The following FBXO27 variants were observed in gnomAD, a reference collection of about 807,000 sequenced individuals.
FBXO27 encodes the protein F-box only protein 27.
Under a neutral mutation model 28.3 loss-of-function variants are expected in FBXO27, and 28 were observed. That is an observed-to-expected ratio of 0.99 (90% CI 0.73 to 1.36). The LOEUF is 1.36. FBXO27 is among the 40% of genes most tolerant of loss of function. FBXO27 has a pLI of 0.00. For missense variants in FBXO27, 388 were observed against 394.1 expected (o/e 0.98, Z 0.13); for synonymous variants, 175 against 167.3 (o/e 1.05, Z -0.36).
chr19:39,027,262 G>T (rs958244745), intron 4 of FBXO27, among the ~76,000 whole-genome samples: 1 of 152,184 alleles, frequency 6.6e-6, no homozygotes, highest in Non-Finnish European at 1.5e-5. Flanking sequence ...TCAGTGGGGA[G>T]TCTCCGGAAA....
chr19:39,031,073 T>C lies in FBXO27; in HGVS notation c.528A>G (p.Pro176=). The change falls in exon 4 of 6, where the codon CCA becomes CCG. Residue 176 remains proline (P), a synonymous_variant. Coordinates refer to ENST00000292853, the MANE Select transcript of FBXO27 (RefSeq NM_178820.5). The stretch of plus-strand genomic sequence containing the variant: ...CAATCCTGCCACTATCCAGCAGTTC[T>C]GGCCACAGACCCTCCTCCTCTAGGT... ...VLDLEEEGLW[P]ELLDSGRIEI... is the part of the protein sequence containing the mutation. 6.2e-7 allele frequency: 1 copy of C among 1,614,188 alleles called. No homozygotes were observed. Among genetic ancestry groups the C allele is most frequent in the Non-Finnish European group, 8.5e-7 (1 of 1,180,036 alleles).
At position 39,025,425 on chromosome 19, in the gene FBXO27, C is replaced by G. The variant is rs1488939822; in HGVS notation, c.838G>C (p.Val280Leu). ...RVTNSSVIVR[V>L]RLS ...GTAGTGCTGGACTAGGACAGACGGA[C>G]TCGCACGATCACACTGGAGTTGGTC... The change falls in exon 6 of 6, where the codon GTC becomes CTC. Residue 280 changes from valine to leucine, a missense_variant. Physicochemically the swap from Val to Leu is conservative, Grantham distance 32. Coordinates refer to ENST00000292853, the MANE Select transcript of FBXO27 (RefSeq NM_178820.5). The G allele has an allele frequency of 6.2e-7, 1 of 1,613,686 alleles. No individual in the cohort carries two copies. The highest frequency in any genetic ancestry group is 8.5e-7 in the Non-Finnish European group (1 of 1,179,830).
In FBXO27 at chr19:39,025,300, C is replaced by T. The variant is rs982214883; in HGVS notation, c.*111G>A. 1 of 1,406,154 alleles carries T rather than the reference C, an allele frequency of 7.1e-7. No individual in the cohort carries two copies. The highest frequency in any genetic ancestry group is 9.6e-7 in the Non-Finnish European group (1 of 1,041,620). The allele number at this position is 1,406,154 out of a possible 1,614,324, so 87.1% of individuals were successfully genotyped here. ...GCCTTTGATTGGACCCAGGAATTCT[C>T]AGTATGCCAGGGAGGTACAAGTGCT... On this transcript the variant is annotated 3_prime_UTR_variant, in exon 6 of 6. Transcript: ENST00000292853.
At chr19:39,005,986 T>C (rs1312781454) in intron 2 of FBXO27, among the ~76,000 whole-genome samples, 2 of 152,120 alleles carry the variant, frequency 1.3e-5, no homozygotes, top group Non-Finnish European at 2.9e-5. Context: ...CTGGGACAAA[T>C]TGAAATTGTG....
intron 1 of FBXO27, among the ~76,000 whole-genome samples, chr19:39,018,394 C>T (rs1317032179): frequency 6.6e-6 from 1 of 152,194 alleles, no homozygotes; most frequent in African/African-American, 2.4e-5. Context: ...CCATGTGATG[C>T]TAATCATCTC....
chr19:39,019,297 C>A (rs1209368830), downstream of FBXO27, among the ~76,000 whole-genome samples: 4 of 150,558 alleles, frequency 2.7e-5, no homozygotes, highest in Non-Finnish European at 4.4e-5. Context: ...TGGTGGCGGG[C>A]ACCTGTAGTC....
chr19:39,032,494 A>C lies in FBXO27; in HGVS notation c.-27+9T>G. 4.9e-6 allele frequency: 2 copies of C among 409,676 alleles called. No individual in the cohort carries two copies. The highest frequency in any genetic ancestry group is 4.2e-6 in the Non-Finnish European group (1 of 238,180). 25.4% of individuals were successfully genotyped at this position (409,676 alleles called of 1,614,324 possible). On this transcript the variant is annotated intron_variant, in intron 1 of 5. Transcript: ENST00000292853. The surrounding 1 kb of genome is among the most constrained non-coding windows in gnomAD (Gnocchi z 4.7). ...GGCGGCCGCACCGACACCGCACCCC[A>C]AGTCCTACCCCGGGGCCTGGCGGCG...
rs2072866558 is a variant in FBXO27, at chr19:39,025,338, GA to G, written c.*72del. 6.5e-7 allele frequency: 1 copy of G among 1,535,314 alleles called. No homozygotes were observed. The highest frequency in any genetic ancestry group is 1.4e-5 in the African/African-American group (1 of 73,046). ...AGGTACAAGTGCTTGGTTGGTTAAT[GA>G]GGGGTCCCAGCCAATGGTCCCAGGC... On this transcript the variant is annotated 3_prime_UTR_variant, in exon 6 of 6. Transcript: ENST00000292853.
intron 4 of FBXO27, 84 bp downstream of exon 4, chr19:39,030,945 A>G (rs2072898487): frequency 1.8e-6 from 2 of 1,106,948 alleles, no homozygotes; most frequent in African/African-American, 3.1e-5. Flanking sequence ...AGGGGTTAGG[A>G]GGCCTAAATT....
At chr19:39,025,741 G>A (rs1035175611) in intron 5 of FBXO27, among the ~76,000 whole-genome samples, 187 bp from the exon 6 acceptor site, 5 of 152,118 alleles carry the variant, frequency 3.3e-5, no homozygotes, top group South Asian at 2.1e-4. Context: ...GGTCGGGTGC[G>A]GTATGGCTCG....
Position 39,032,124 on chromosome 19 carries a change from A to G in FBXO27, c.104T>C (p.Leu35Pro), listed in dbSNP as rs771343796. 5.9e-6 allele frequency: 9 copies of G among 1,537,210 alleles called. No homozygotes were observed. The highest frequency in any genetic ancestry group is 2.6e-5 in the East Asian group (1 of 37,982). The change falls in exon 2 of 6, where the codon CTG (leucine) becomes CCG (proline). Residue 35 changes from leucine to proline, a missense_variant. Leu to Pro is a moderately conservative substitution (Grantham distance 98, BLOSUM62 -3). Coordinates refer to ENST00000292853, the MANE Select transcript of FBXO27 (RefSeq NM_178820.5). The surrounding 1 kb of genome is among the most constrained non-coding windows in gnomAD (Gnocchi z 4.7). The part of the protein sequence containing the change: ...DLSQLPPELL[L>P]VVLSHVPPRT... ...CGGGGGGACGTGGCTCAGCACCACC[A>G]GAAGCAGCTCTGGGGGTAGTTGGCT...
intron 4 of FBXO27, chr19:39,030,472 G>C (rs2072895900): frequency 6.5e-6 from 1 of 154,026 alleles, no homozygotes; most frequent in Admixed American, 6.4e-5. Context: ...AGACAAGACT[G>C]AGCTGGGCCA....
chr19:39,031,847 C>T lies in FBXO27; in HGVS notation c.364+17G>A, dbSNP rs1338830766. 5 of 1,466,788 alleles carry T rather than the reference C, an allele frequency of 3.4e-6. No individual in the cohort carries two copies. Among genetic ancestry groups the T allele is most frequent in the Non-Finnish European group, 4.5e-6 (5 of 1,122,076 alleles). The allele number at this position is 1,466,788 out of a possible 1,614,324, so 90.9% of individuals were successfully genotyped here. ...ACTGTGGCCCAGCATCCTGGACTTC[C>T]TCTTCCGAGATCCCACCTTGGCCGC... On this transcript the variant is annotated intron_variant, in intron 2 of 5. Transcript: ENST00000292853.
chr19:39,008,242 G>C (rs538181412), intron 2 of FBXO27, among the ~76,000 whole-genome samples: 4 of 150,390 alleles, frequency 2.7e-5, no homozygotes, highest in African/African-American at 9.8e-5. Flanking sequence ...TCCAGCCTGG[G>C]CAACAGAGTG....
At chr19:39,010,170 C>T (rs1300768368) in intron 2 of FBXO27, among the ~76,000 whole-genome samples, 1 of 151,266 alleles carries the variant, frequency 6.6e-6, no homozygotes, top group Non-Finnish European at 1.5e-5. Flanking sequence ...GTTGCTTGTG[C>T]TTTTAGTGTT....
intron 2 of FBXO27, among the ~76,000 whole-genome samples, chr19:39,012,167 A>C (rs2072798463): frequency 6.9e-6 from 1 of 145,076 alleles, no homozygotes; most frequent in African/African-American, 2.5e-5. Flanking sequence ...TGTATCCCAA[A>C]AATGTCCTGA....
In FBXO27 at chr19:39,026,871, T is replaced by C. The variant is rs1419962459; in HGVS notation, c.707A>G (p.His236Arg). Residue 236 changes from histidine to arginine, a missense_variant and splice_region_variant, in exon 5 of 6, where the codon CAC becomes CGC. By Grantham distance (29) the His-to-Arg change is conservative. Transcript: ENST00000292853. ...CCCAAACCCCCATAGGAGACTCACGTGAAGGCAGGCATTGTTGTTCCACTG... is the reference window on the plus strand; with the variant it reads ...CCCAAACCCCCATAGGAGACTCACGCGAAGGCAGGCATTGTTGTTCCACTG... Reference protein sequence around the residue: ...IPQWNNNACLHVTHVFSNIKM... With the variant: ...IPQWNNNACLRVTHVFSNIKM... The C allele has an allele frequency of 6.2e-7, 1 of 1,614,146 alleles. No individual in the cohort carries two copies. The highest frequency in any genetic ancestry group is 8.5e-7 in the Non-Finnish European group (1 of 1,180,030).
At chr19:39,015,887 T>C (rs560344540) in intron 1 of FBXO27, among the ~76,000 whole-genome samples, 1 of 151,836 alleles carries the variant, frequency 6.6e-6, no homozygotes, top group Non-Finnish European at 1.5e-5. Flanking sequence ...CCTGGCTACA[T>C]GGTAAAACCC....
intron 1 of FBXO27, among the ~76,000 whole-genome samples, chr19:39,016,649 G>A (rs1463089376): frequency 2.0e-5 from 3 of 150,616 alleles, no homozygotes; most frequent in African/African-American, 4.9e-5. Context: ...TGGGTGTGGT[G>A]GCACACGCAC....
Sources: gnomAD v4.1 joint callset for allele counts (sites outside exome capture counted in the v4.1 genomes callset) on GRCh38, gnomAD v4.1.1 for gene constraint, Gnocchi (gnomAD v3.1) non-coding constraint, MANE v1.5 for transcripts, NCBI Gene and HGNC (gene_info 2026-07-23, HGNC 2026-07-21) for gene names.